Variants in OPTN observed in about 807,000 individuals in gnomAD.
The protein encoded by OPTN is E3-14.7K-interacting protein.
A neutral mutation model predicts 70.4 loss-of-function variants in OPTN; 54 were observed. The ratio of observed to expected loss-of-function variants is 0.77; its 90% CI spans 0.62 to 0.96. The LOEUF (loss-of-function observed/expected upper bound fraction) is 0.96. OPTN is among the 40% of genes least tolerant of loss of function. The probability of loss-of-function intolerance (pLI) is 0.00; values close to 1 mark genes in which losing one functional copy is unlikely to be tolerated. For synonymous variants in OPTN, 256 were observed against 248.5 expected (o/e 1.03, Z -0.28); for missense variants, 624 against 673.2 (o/e 0.93, Z 0.81).
chr10:13,131,902 T>C (rs564391631), intron 12 of OPTN, among the ~76,000 whole-genome samples, 165 bp from the exon 13 acceptor site: 1 of 152,316 alleles, frequency 6.6e-6, no homozygotes, highest in African/African-American at 2.4e-5. Flanking sequence ...GCTATCGGAA[T>C]GTACCTGGAA....
chr10:13,112,301 G>T, intron 4 of OPTN, 152 bp from the exon 5 acceptor site: 3 of 717,596 alleles, frequency 4.2e-6, no homozygotes, highest in Non-Finnish European at 7.4e-6. Flanking sequence ...AAAGATGGGG[G>T]TCTTGCTATG....
At chr10:13,103,673 G>C (rs1366066877) in intron 1 of OPTN, among the ~76,000 whole-genome samples, 1 of 152,042 alleles carries the variant, frequency 6.6e-6, no homozygotes, top group Non-Finnish European at 1.5e-5. Context: ...ATGTATGCTC[G>C]TGTTTACAAG....
chr10:13,137,069 C>T lies in OPTN; in HGVS notation c.*203C>T. 1.6e-6 allele frequency: 1 copy of T among 623,332 alleles called. No individual in the cohort carries two copies. Among genetic ancestry groups the T allele is most frequent in the Non-Finnish European group, 2.9e-6 (1 of 350,576 alleles). The allele number at this position is 623,332 out of a possible 1,614,324, so 38.6% of individuals were successfully genotyped here. A position where few individuals can be genotyped will look rare whatever the true frequency, so the allele number is the denominator to read the frequency against. On this transcript the variant is annotated 3_prime_UTR_variant, in exon 15 of 15. Transcript: ENST00000378747. ...TCGAGGTGGGTGGATCACTTGGGGTCAGGGTTTGAGACCAGCCTGGCCAAC... is the reference window on the plus strand; with the variant it reads ...TCGAGGTGGGTGGATCACTTGGGGTTAGGGTTTGAGACCAGCCTGGCCAAC...
chr10:13,108,694 C>T (rs1003186159), intron 2 of OPTN, among the ~76,000 whole-genome samples: 1 of 152,026 alleles, frequency 6.6e-6, no homozygotes, highest in Non-Finnish European at 1.5e-5. Flanking sequence ...CTACAAGCGC[C>T]CAACACCAAG....
chr10:13,133,272 T>G (rs2040418497), intron 13 of OPTN, among the ~76,000 whole-genome samples: 1 of 152,250 alleles, frequency 6.6e-6, no homozygotes, highest in Admixed American at 6.5e-5. Flanking sequence ...CTAATCTGTT[T>G]CCTACTGATG....
intron 4 of OPTN, among the ~76,000 whole-genome samples, 196 bp downstream of exon 4, chr10:13,110,672 A>G (rs181586435): frequency 1.7e-3 from 259 of 152,310 alleles, no homozygotes; most frequent in African/African-American, 5.9e-3. Flanking sequence ...TCTCTTTTAG[A>G]AGAAAGAAAT....
Position 13,114,847 on chromosome 10 carries a change from T to TATATAATTATATAATTATATAAC in OPTN, c.553-1420_553-1419insATATAATTATATAATTATATAAC, listed in dbSNP as rs1564358941. Reference sequence around the variant, plus strand: ...TTATATAATTATATAATTATATAATTGTATAATATATTCTACAATTATATA... The same window carrying TATATAATTATATAATTATATAAC: ...TTATATAATTATATAATTATATAATTATATAATTATATAATTATATAACGTATAATATATTCTACAATTATATA... On this transcript the variant is annotated intron_variant, in intron 5 of 14. Transcript: ENST00000378747. Among the ~76,000 whole-genome samples, 73 of 30,756 alleles carry TATATAATTATATAATTATATAAC rather than the reference T, an allele frequency of 2.4e-3. 7 individuals carry two copies. Among genetic ancestry groups the TATATAATTATATAATTATATAAC allele is most frequent in the Non-Finnish European group, 4.6e-3 (64 of 13,934 alleles). 20.2% of individuals were successfully genotyped at this position (30,756 alleles called of 152,430 possible).
At chr10:13,136,625 TC>T in intron 14 of OPTN, 119 bp from the exon 15 acceptor site, 3 of 1,178,492 alleles carry the variant, frequency 2.5e-6, no homozygotes, top group Non-Finnish European at 3.7e-6. Context: ...TGTGCTCATG[TC>T]CCACTACGTG....
At chr10:13,111,558 C>T (rs990957302) in intron 4 of OPTN, among the ~76,000 whole-genome samples, 1 of 151,860 alleles carries the variant, frequency 6.6e-6, no homozygotes. Context: ...ATTAGCCAGG[C>T]ATGGTAGTGC....
intron 9 of OPTN, among the ~76,000 whole-genome samples, chr10:13,124,879 A>C (rs1182734723): frequency 6.6e-6 from 1 of 152,200 alleles, no homozygotes; most frequent in Non-Finnish European, 1.5e-5. Flanking sequence ...TCTTCTATAT[A>C]CATTGTGTTA....
At chr10:13,116,489 G>T in intron 6 of OPTN, 149 bp downstream of exon 6, 5 of 705,160 alleles carry the variant, frequency 7.1e-6, no homozygotes, top group Non-Finnish European at 1.3e-5. Context: ...TGGTTTGAAT[G>T]CTATTTAATG....
chr10:13,104,066 T>C (rs1832806567), intron 1 of OPTN, among the ~76,000 whole-genome samples: 1 of 152,146 alleles, frequency 6.6e-6, no homozygotes, highest in South Asian at 2.1e-4. Context: ...TCTCTGTCTT[T>C]CCTCAGTTGA....
chr10:13,117,882 T>C (rs1015748791), intron 6 of OPTN, among the ~76,000 whole-genome samples: 1 of 152,246 alleles, frequency 6.6e-6, no homozygotes, highest in South Asian at 2.1e-4. Context: ...TATTAGATAA[T>C]ATTCTTTCGT....
rs1437418238 is a variant in OPTN, at chr10:13,109,144, T to G, written c.22T>G (p.Cys8Gly). MSHQPLSCLTEKEDSPSE... is the reference protein window; with the variant it reads MSHQPLSGLTEKEDSPSE... ...TGCAATGTCCCATCAACCTCTCAGC[T>G]GCCTCACTGAAAAGGAGGACAGCCC... Residue 8 changes from cysteine to glycine, a missense_variant, in exon 3 of 15, where the codon TGC becomes GGC. Physicochemically the swap from Cys to Gly is radical, Grantham distance 159. Coordinates refer to ENST00000378747, the MANE Select transcript of OPTN (RefSeq NM_001008212.2). The G allele has an allele frequency of 2.5e-6, 4 of 1,613,892 alleles. No individual in the cohort carries two copies. Among genetic ancestry groups the G allele is most frequent in the Non-Finnish European group, 3.4e-6 (4 of 1,180,002 alleles).
intron 2 of OPTN, 152 bp from the exon 3 acceptor site, chr10:13,108,956 TAAAA>T: frequency 1.3e-6 from 1 of 749,294 alleles, no homozygotes; most frequent in Admixed American, 1.9e-5. Context: ...CTTTTTTGTT[TAAAA>T]GGAAGAATCA....
At chr10:13,106,267 A>C (rs660592) in intron 1 of OPTN, among the ~76,000 whole-genome samples, 1 of 152,018 alleles carries the variant, frequency 6.6e-6, no homozygotes, top group Admixed American at 6.6e-5. Context: ...ACTGTTACTC[A>C]GTAAAACCCT....
At chr10:13,134,464 ACT>A (rs1380257487) in intron 14 of OPTN, among the ~76,000 whole-genome samples, 1 of 151,558 alleles carries the variant, frequency 6.6e-6, no homozygotes, top group Non-Finnish European at 1.5e-5. Flanking sequence ...ACAGGGTCCC[ACT>A]CTCTTGCCCA....
intron 9 of OPTN, among the ~76,000 whole-genome samples, chr10:13,124,374 C>T (rs1042279020): frequency 6.6e-6 from 1 of 152,080 alleles, no homozygotes; most frequent in Non-Finnish European, 1.5e-5. Context: ...AAGATCTCTA[C>T]AGTAAAGCTG....
intron 1 of OPTN, among the ~76,000 whole-genome samples, chr10:13,105,314 G>A (rs1238699051): frequency 6.6e-6 from 1 of 152,136 alleles, no homozygotes; most frequent in Admixed American, 6.5e-5. Context: ...TGCATTGAAG[G>A]GTGGGGTTTA....
Sources: gnomAD v4.1 joint callset for allele counts (sites outside exome capture counted in the v4.1 genomes callset) on GRCh38, gnomAD v4.1.1 for gene constraint, MANE v1.5 for transcripts, NCBI Gene and HGNC (gene_info 2026-07-23, HGNC 2026-07-21) for gene names.